Variants in LRRC8C observed in about 807,000 individuals in gnomAD.
The protein encoded by LRRC8C is volume-regulated anion channel subunit LRRC8C.
LRRC8C carries 20 observed loss-of-function variants against 55.3 expected under a neutral mutation model. The observed-to-expected ratio is 0.36, with a 90% CI of 0.25 to 0.53. The LOEUF (loss-of-function observed/expected upper bound fraction) is 0.53, where lower values mean the gene tolerates loss of function less well. Ranked by LOEUF, LRRC8C falls within the 20% of genes least tolerant of loss-of-function variation. The pLI is 0.92. For missense variants in LRRC8C, 659 were observed against 951.4 expected, an observed-to-expected ratio of 0.69 and a Z score of 4.04; for synonymous variants, 376 against 360.7, an observed-to-expected ratio of 1.04 and a Z score of -0.48.
intron 1 of LRRC8C, among the ~76,000 whole-genome samples, chr1:89,667,444 T>C (rs948068035): frequency 6.6e-6 from 1 of 152,168 alleles, no homozygotes; most frequent in Non-Finnish European, 1.5e-5. Context: ...CTTAAAAATA[T>C]TGGACTCATA....
At chr1:89,634,475 A>G (rs571701493) in intron 1 of LRRC8C, among the ~76,000 whole-genome samples, 4 of 152,210 alleles carry the variant, frequency 2.6e-5, no homozygotes, top group African/African-American at 9.6e-5. Context: ...CAACAGTCAC[A>G]TTTCCCGACA....
chr1:89,646,006 T>C (rs1344036337), intron 1 of LRRC8C, among the ~76,000 whole-genome samples: 1 of 132,752 alleles, frequency 7.5e-6, no homozygotes, highest in Non-Finnish European at 1.7e-5. Flanking sequence ...TAGAACTTGA[T>C]ATTCTATATT....
chr1:89,702,582 AT>A (rs1193014809), intron 2 of LRRC8C, among the ~76,000 whole-genome samples: 1 of 151,782 alleles, frequency 6.6e-6, no homozygotes, highest in Non-Finnish European at 1.5e-5. Context: ...AAAAATAAAA[AT>A]TAAAAAATAA....
intron 1 of LRRC8C, among the ~76,000 whole-genome samples, chr1:89,645,370 T>G (rs1425260476): frequency 6.6e-6 from 1 of 151,756 alleles, no homozygotes; most frequent in Non-Finnish European, 1.5e-5. Context: ...AGAGCCATAA[T>G]GGCATGTGGG....
At chr1:89,663,745 C>T (rs1440097454) in intron 1 of LRRC8C, among the ~76,000 whole-genome samples, 1 of 152,172 alleles carries the variant, frequency 6.6e-6, no homozygotes, top group Non-Finnish European at 1.5e-5. Context: ...CTCCCACCAA[C>T]AGTGTAAAAG....
rs1658799087 is a variant in LRRC8C at position 89,715,733 on chromosome 1, G to T, written c.*751G>T. 1 of 152,162 alleles carries T rather than the reference G, an allele frequency of 6.6e-6. No homozygotes were observed. The highest frequency in any genetic ancestry group is 1.5e-5 in the Non-Finnish European group (1 of 68,024). The allele number at this position is 152,162 out of a possible 1,614,324, so 9.4% of individuals were successfully genotyped here. A position where few individuals can be genotyped will look rare whatever the true frequency, so the allele number is the denominator to read the frequency against. ...CTCAATACTGCTATGTAGTACTGGT[G>T]AACAACTTTGGAGAACCTAGATTTA... On this transcript the variant is annotated 3_prime_UTR_variant, in exon 3 of 3. Coordinates refer to ENST00000370454, the MANE Select transcript of LRRC8C (RefSeq NM_032270.5).
chr1:89,682,156 G>A (rs1022520469), intron 1 of LRRC8C, among the ~76,000 whole-genome samples: 11 of 152,150 alleles, frequency 7.2e-5, no homozygotes, highest in Non-Finnish European at 1.0e-4. Flanking sequence ...CAGCCTGGGC[G>A]ACAGAGCGAG....
rs1399280327 is a variant in LRRC8C, at chr1:89,719,004, GAA to G, written c.*4024_*4025del. 3 of 152,150 alleles carry G rather than the reference GAA, an allele frequency of 2.0e-5. No homozygotes were observed. The highest frequency in any genetic ancestry group is 7.2e-5 in the African/African-American group (3 of 41,438). 9.4% of individuals were successfully genotyped at this position (152,150 alleles called of 1,614,324 possible). A position where few individuals can be genotyped will look rare whatever the true frequency, so the allele number is the denominator to read the frequency against. On this transcript the variant is annotated 3_prime_UTR_variant, in exon 3 of 3. Transcript: ENST00000370454. ...ATTTAGGCCTCAGTGACATGCTCCTGAAAGTTTCCTGCCAGCCATCCAAACTA... is the reference window on the plus strand; with the variant it reads ...ATTTAGGCCTCAGTGACATGCTCCTGAGTTTCCTGCCAGCCATCCAAACTA...
chr1:89,677,423 G>A (rs116514310), intron 1 of LRRC8C, among the ~76,000 whole-genome samples: 1,759 of 152,180 alleles, frequency 0.012, 38 homozygotes, highest in African/African-American at 0.039. Flanking sequence ...GTTAATGTTC[G>A]TTTATTTTTT....
intron 1 of LRRC8C, among the ~76,000 whole-genome samples, chr1:89,670,768 T>C (rs1447790516): frequency 6.6e-6 from 1 of 152,200 alleles, no homozygotes; most frequent in Non-Finnish European, 1.5e-5. Context: ...TCTTTAAATT[T>C]AGATTGTGAA....
rs1405938328 is a variant in LRRC8C at position 89,718,330 on chromosome 1, A to T, written c.*3348A>T. Reference sequence around the variant, plus strand: ...ATGAATATTTTGTTCAGATGTAGCCATTTACCTGGCTCTCAAGTTGTCTTT... The same window carrying T: ...ATGAATATTTTGTTCAGATGTAGCCTTTTACCTGGCTCTCAAGTTGTCTTT... On this transcript the variant is annotated 3_prime_UTR_variant, in exon 3 of 3. Coordinates refer to ENST00000370454, the MANE Select transcript of LRRC8C (RefSeq NM_032270.5). 1 of 152,152 alleles carries T rather than the reference A, an allele frequency of 6.6e-6. No individual in the cohort carries two copies. Among genetic ancestry groups the T allele is most frequent in the African/African-American group, 2.4e-5 (1 of 41,438 alleles). The allele number at this position is 152,152 out of a possible 1,614,324, so 9.4% of individuals were successfully genotyped here. A position where few individuals can be genotyped will look rare whatever the true frequency, so the allele number is the denominator to read the frequency against.
At chr1:89,650,085 T>A (rs1259343220) in intron 1 of LRRC8C, among the ~76,000 whole-genome samples, 1 of 152,178 alleles carries the variant, frequency 6.6e-6, no homozygotes, top group East Asian at 1.9e-4. Context: ...CACAGACAAT[T>A]GTACAGGAAA....
the LRRC8C span, among the ~76,000 whole-genome samples, chr1:89,627,578 A>C: frequency 1.1e-4 from 16 of 152,198 alleles, no homozygotes; most frequent in African/African-American, 3.6e-4. Flanking sequence ...GAAAAAGTAC[A>C]TTATTAACCT....
At chr1:89,709,740 GGTTTTTTTTTGTTT>G (rs1658590396) in intron 2 of LRRC8C, among the ~76,000 whole-genome samples, 2 of 93,752 alleles carry the variant, frequency 2.1e-5, no homozygotes, top group Admixed American at 1.3e-4. Flanking sequence ...TTTTGTGTGT[GGTTTTTTTTTGTTT>G]GTTTTTTTTT....
chr1:89,657,651 G>C (rs1448399389), intron 1 of LRRC8C, among the ~76,000 whole-genome samples: 2 of 151,386 alleles, frequency 1.3e-5, no homozygotes, highest in Non-Finnish European at 2.9e-5. Context: ...TGAGGCAGGA[G>C]AATTGCTCGA....
Position 89,671,612 on chromosome 1 carries a change from C to T in LRRC8C, c.-4-14858C>T, listed in dbSNP as rs117784340. Among the ~76,000 whole-genome samples the T allele has an allele frequency of 2.2e-4, 33 of 152,262 alleles. No individual in the cohort carries two copies. The East Asian group carries it at 5.0e-3, about 23-fold the overall frequency. On this transcript the variant is annotated intron_variant, in intron 1 of 2. Transcript: ENST00000370454. The stretch of plus-strand genomic sequence containing the variant: ...GATGACCATCCCACTGAGATTCTAA[C>T]GGCCTTCAGTGCCTGTCATGAGAAT...
At position 89,636,837 on chromosome 1, in the gene LRRC8C, T is replaced by A. The variant is rs182470783; in HGVS notation, c.-5+3515T>A. ...TCCTAATGCTATTTTAAAATTTTTTTAAAATTCTTATTTTTCCAGGTAATA... is the reference window on the plus strand; with the variant it reads ...TCCTAATGCTATTTTAAAATTTTTTAAAAATTCTTATTTTTCCAGGTAATA... On this transcript the variant is annotated intron_variant, in intron 1 of 2. Coordinates refer to ENST00000370454, the MANE Select transcript of LRRC8C (RefSeq NM_032270.5). Among the ~76,000 whole-genome samples, 374 of 152,344 alleles carry A rather than the reference T, an allele frequency of 2.5e-3. 1 individual carries two copies. The highest frequency in any genetic ancestry group is 8.5e-3 in the African/African-American group (353 of 41,576).
chr1:89,685,736 T>A (rs1247800970), intron 1 of LRRC8C, among the ~76,000 whole-genome samples: 1 of 152,104 alleles, frequency 6.6e-6, no homozygotes, highest in African/African-American at 2.4e-5. Context: ...TGGTTAAAGA[T>A]AGGAGTTTCC....
chr1:89,658,894 G>C (rs1025491273), intron 1 of LRRC8C, among the ~76,000 whole-genome samples: 1 of 151,970 alleles, frequency 6.6e-6, no homozygotes, highest in Non-Finnish European at 1.5e-5. Context: ...TATAGCCAAA[G>C]AATTAGGAGC....
Sources: allele counts gnomAD v4.1 joint callset (sites outside exome capture counted in the v4.1 genomes callset), GRCh38; gene constraint gnomAD v4.1.1; transcripts MANE v1.5; gene names NCBI Gene and HGNC (gene_info 2026-07-23, HGNC 2026-07-21).